TMEM178B: variants seen among roughly 807,000 people sequenced by gnomAD.
The protein encoded by TMEM178B is transmembrane protein 178B.
A neutral mutation model predicts 31.0 loss-of-function variants in TMEM178B; 5 were observed. That is an observed-to-expected ratio of 0.16 (90% CI 0.08 to 0.34). TMEM178B has a LOEUF of 0.34. Ranked by LOEUF, TMEM178B falls within the 10% of genes least tolerant of loss-of-function variation. The probability of loss-of-function intolerance (pLI) is 1.00; values close to 1 mark genes in which losing one functional copy is unlikely to be tolerated. For synonymous variants in TMEM178B, 164 were observed against 164.0 expected, an observed-to-expected ratio of 1.00 and a Z score of 0.00; for missense variants, 275 against 400.3, an observed-to-expected ratio of 0.69 and a Z score of 2.67.
intron 2 of TMEM178B, among the ~76,000 whole-genome samples, chr7:141,303,622 T>C (rs1343066476): frequency 6.6e-6 from 1 of 152,220 alleles, no homozygotes; most frequent in African/African-American, 2.4e-5. Flanking sequence ...TTCCCCAGGC[T>C]GTACAACACG....
At chr7:141,314,130 G>T (rs1432082526) in intron 2 of TMEM178B, among the ~76,000 whole-genome samples, 1 of 152,156 alleles carries the variant, frequency 6.6e-6, no homozygotes, top group Non-Finnish European at 1.5e-5. Flanking sequence ...TAGCTTCTTT[G>T]CTTGGAAACC....
Position 141,262,593 on chromosome 7 carries a change from A to G in TMEM178B, c.496+49889A>G, listed in dbSNP as rs370316001. ...GAAAAAAAAACTTGACAGCATTTCT[A>G]TGATTCAGCTGGCAATTTGCTACAG... On this transcript the variant is annotated intron_variant, in intron 2 of 3. Transcript: ENST00000565468. Among the ~76,000 whole-genome samples, 212 of 151,794 alleles carry G rather than the reference A, an allele frequency of 1.4e-3. 2 individuals are homozygous for G. The South Asian group carries it at 0.018, about 13-fold the overall frequency.
intron 2 of TMEM178B, among the ~76,000 whole-genome samples, chr7:141,295,252 G>A (rs1798611810): frequency 6.6e-6 from 1 of 152,262 alleles, no homozygotes; most frequent in Non-Finnish European, 1.5e-5. Context: ...ATGGGGGTTG[G>A]AGGAGATCTT....
intron 2 of TMEM178B, among the ~76,000 whole-genome samples, chr7:141,394,613 A>G (rs1032191182): frequency 6.6e-6 from 1 of 152,214 alleles, no homozygotes; most frequent in African/African-American, 2.4e-5. Context: ...CCCTGTGTAG[A>G]ATAATAACCT....
At position 141,427,460 on chromosome 7, in the gene TMEM178B, C is replaced by A. The variant is rs186209548; in HGVS notation, c.497-10148C>A. Among the ~76,000 whole-genome samples, 231 of 152,300 alleles carry A rather than the reference C, an allele frequency of 1.5e-3. 1 individual carries two copies. Among genetic ancestry groups the A allele is most frequent in the Non-Finnish European group, 2.7e-3 (184 of 68,020 alleles). On this transcript the variant is annotated intron_variant, in intron 2 of 3. Transcript: ENST00000565468. ...TCAAGAACACACAATAGGGAAATGA[C>A]AGTCTCTTCAGTAAATGGTGTTGGG... is the stretch of plus-strand genomic sequence containing the variant.
intron 3 of TMEM178B, among the ~76,000 whole-genome samples, chr7:141,449,482 A>G (rs1801823118): frequency 6.6e-6 from 1 of 152,186 alleles, no homozygotes; most frequent in Non-Finnish European, 1.5e-5. Flanking sequence ...TGTCACATCC[A>G]ATCCTTGATG....
At chr7:141,408,019 C>A (rs1800915987) in intron 2 of TMEM178B, among the ~76,000 whole-genome samples, 1 of 152,180 alleles carries the variant, frequency 6.6e-6, no homozygotes, top group South Asian at 2.1e-4. Flanking sequence ...GGACCAGAGA[C>A]TTTACACACA....
chr7:141,161,922 G>A (rs1168011979), intron 1 of TMEM178B, among the ~76,000 whole-genome samples: 1 of 148,246 alleles, frequency 6.7e-6, no homozygotes, highest in African/African-American at 2.5e-5. Flanking sequence ...GAGCATGTGA[G>A]AATGTGTGTG....
intron 1 of TMEM178B, among the ~76,000 whole-genome samples, chr7:141,102,820 A>T (rs1324319636): frequency 2.0e-5 from 3 of 152,198 alleles, no homozygotes; most frequent in Non-Finnish European, 2.9e-5. Flanking sequence ...TCCACTGATC[A>T]TGGTTCCTTT....
At chr7:141,305,703 G>A in intron 2 of TMEM178B, among the ~76,000 whole-genome samples, 1 of 152,136 alleles carries the variant, frequency 6.6e-6, no homozygotes, top group East Asian at 1.9e-4. Context: ...TGAAAGTGCT[G>A]GGATTACAGG....
chr7:141,423,117 G>C (rs530617938), intron 2 of TMEM178B, among the ~76,000 whole-genome samples: 5 of 152,268 alleles, frequency 3.3e-5, no homozygotes, highest in Admixed American at 2.0e-4. Flanking sequence ...TCGGCTCACT[G>C]TAACCTCCGC....
Position 141,318,826 on chromosome 7 carries a change from G to C in TMEM178B, c.496+106122G>C, listed in dbSNP as rs1799049050. Among the ~76,000 whole-genome samples, 1 of 152,182 alleles carries C rather than the reference G, an allele frequency of 6.6e-6. No homozygotes were observed. Among genetic ancestry groups the C allele is most frequent in the African/African-American group, 2.4e-5 (1 of 41,432 alleles). Reference sequence around the variant, plus strand: ...ATCAACTTTTGGAAAAGAGCTAAATGAATGTGTGTTTCCCATGTTGTCTCA... The same window carrying C: ...ATCAACTTTTGGAAAAGAGCTAAATCAATGTGTGTTTCCCATGTTGTCTCA... On this transcript the variant is annotated intron_variant, in intron 2 of 3. Coordinates refer to ENST00000565468, the MANE Select transcript of TMEM178B (RefSeq NM_001195278.2). The surrounding 1 kb of genome is among the most constrained non-coding windows in gnomAD (Gnocchi z 4.1).
intron 1 of TMEM178B, among the ~76,000 whole-genome samples, chr7:141,106,927 A>G (rs908106667): frequency 6.6e-6 from 1 of 152,206 alleles, no homozygotes; most frequent in Admixed American, 6.5e-5. Context: ...ATGGGGAGAC[A>G]ACAATTGGAG....
At chr7:141,301,090 A>C (rs1312903029) in intron 2 of TMEM178B, among the ~76,000 whole-genome samples, 1 of 152,182 alleles carries the variant, frequency 6.6e-6, no homozygotes, top group Non-Finnish European at 1.5e-5. Flanking sequence ...GATCCTTCTG[A>C]GTACCGCAGC....
chr7:141,320,432 A>C (rs1226084743), intron 2 of TMEM178B, among the ~76,000 whole-genome samples: 2 of 152,196 alleles, frequency 1.3e-5, no homozygotes, highest in South Asian at 4.2e-4. Flanking sequence ...CCTGTGACTG[A>C]GGTGACCTCT....
intron 2 of TMEM178B, among the ~76,000 whole-genome samples, chr7:141,390,439 C>A (rs1418202553): frequency 6.6e-6 from 1 of 152,242 alleles, no homozygotes; most frequent in African/African-American, 2.4e-5. Context: ...TGGTTTCAGA[C>A]AGATCAGCTC....
intron 1 of TMEM178B, among the ~76,000 whole-genome samples, chr7:141,135,307 G>A (rs1369003314): frequency 6.6e-6 from 1 of 152,156 alleles, no homozygotes. Flanking sequence ...CCCACTCTCA[G>A]CATTGGATAG....
intron 2 of TMEM178B, among the ~76,000 whole-genome samples, chr7:141,348,173 A>G (rs191990846): frequency 4.6e-5 from 7 of 152,146 alleles, no homozygotes; most frequent in East Asian, 1.9e-4. Context: ...TTGGTTTTTT[A>G]TCGTTGTTTC....
intron 1 of TMEM178B, among the ~76,000 whole-genome samples, chr7:141,128,130 G>A (rs1795535790): frequency 6.6e-6 from 1 of 152,274 alleles, no homozygotes; most frequent in South Asian, 2.1e-4. Flanking sequence ...GGACACCCTT[G>A]AGAATAAAAG....
Sources: gnomAD v4.1 joint callset for allele counts (sites outside exome capture counted in the v4.1 genomes callset) on GRCh38, gnomAD v4.1.1 for gene constraint, Gnocchi (gnomAD v3.1) non-coding constraint, MANE v1.5 for transcripts, NCBI Gene and HGNC (gene_info 2026-07-23, HGNC 2026-07-21) for gene names.